CPE: variants seen among roughly 807,000 people sequenced by gnomAD.
The protein encoded by CPE is carbocypeptidase E.
CPE carries 17 observed loss-of-function variants against 53.5 expected under a neutral mutation model. That is an observed-to-expected ratio of 0.32 (90% CI 0.22 to 0.48). The LOEUF (loss-of-function observed/expected upper bound fraction) is 0.48, where lower values mean the gene tolerates loss of function less well. Among genes scored for constraint, CPE ranks in the 20% least tolerant of loss-of-function variants. The pLI is 0.99. For missense variants in CPE, 524 were observed against 614.7 expected (o/e 0.85, Z 1.56); for synonymous variants, 226 against 228.8 (o/e 0.99, Z 0.11).
At chr4:165,482,399 A>G (rs1732430935) in intron 4 of CPE, 40 bp downstream of exon 4, 1 of 1,364,494 alleles carries the variant, frequency 7.3e-7, no homozygotes, top group South Asian at 1.2e-5. Context: ...TTCAAAGTTT[A>G]TAACACTGTA....
At chr4:165,493,073 C>A in intron 6 of CPE, 98 bp from the exon 7 acceptor site, 1 of 732,550 alleles carries the variant, frequency 1.4e-6, no homozygotes, top group Non-Finnish European at 2.3e-6. Flanking sequence ...ACGGTATTTG[C>A]TGGAAAATAA....
intron 6 of CPE, 43 bp from the exon 7 acceptor site, chr4:165,493,128 T>C (rs763836636): frequency 7.8e-7 from 1 of 1,276,572 alleles, no homozygotes; most frequent in South Asian, 1.2e-5. Flanking sequence ...TTCTATAAAT[T>C]TATAGGTCAT....
intron 3 of CPE, among the ~76,000 whole-genome samples, chr4:165,477,106 T>C (rs1051746946): frequency 2.0e-5 from 3 of 152,200 alleles, no homozygotes; most frequent in Non-Finnish European, 4.4e-5. Flanking sequence ...AATGGTGAAA[T>C]CAACTCAGGT....
intron 1 of CPE, among the ~76,000 whole-genome samples, chr4:165,443,114 G>T (rs557568432): frequency 1.8e-4 from 27 of 152,184 alleles, no homozygotes; most frequent in African/African-American, 5.6e-4. Context: ...ATCTCTTGGG[G>T]TTTGGATCAT....
chr4:165,431,229 C>A (rs1731403117), intron 1 of CPE, among the ~76,000 whole-genome samples: 1 of 152,198 alleles, frequency 6.6e-6, no homozygotes, highest in South Asian at 2.1e-4. Flanking sequence ...TGTGATACCT[C>A]CGTTTTCCAC....
At chr4:165,444,202 A>T (rs1345406708) in intron 1 of CPE, among the ~76,000 whole-genome samples, 1 of 152,174 alleles carries the variant, frequency 6.6e-6, no homozygotes, top group Non-Finnish European at 1.5e-5. Context: ...ATAGTAGAGG[A>T]AACTGAGGCA....
intron 3 of CPE, among the ~76,000 whole-genome samples, chr4:165,470,253 G>A (rs10006092): frequency 0.17 from 26,214 of 152,084 alleles, 3,256 homozygotes; most frequent in African/African-American, 0.35. Flanking sequence ...TTGACTTGGG[G>A]TTTTCTATGT....
chr4:165,412,032 C>A (rs556894656), intron 1 of CPE, among the ~76,000 whole-genome samples: 1 of 152,148 alleles, frequency 6.6e-6, no homozygotes, highest in African/African-American at 2.4e-5. Flanking sequence ...GTGTCAACAA[C>A]TTGTACACTG....
At chr4:165,430,352 C>G (rs750960702) in intron 1 of CPE, among the ~76,000 whole-genome samples, 1 of 152,036 alleles carries the variant, frequency 6.6e-6, no homozygotes, top group Non-Finnish European at 1.5e-5. Flanking sequence ...CAACATATGA[C>G]AAAATAACAT....
In CPE at chr4:165,432,929, C is replaced by T. The variant is rs531207060; in HGVS notation, c.308-31461C>T. ...TCTTGAATCTGTTCACTGCTTTCCA[C>T]GACCTCCACCGCCAACCTAGTCCAA... On this transcript the variant is annotated intron_variant, in intron 1 of 8. Coordinates refer to ENST00000402744, the MANE Select transcript of CPE (RefSeq NM_001873.4). Among the ~76,000 whole-genome samples the T allele has an allele frequency of 1.5e-4, 23 of 152,284 alleles. No homozygotes were observed. In the South Asian group the frequency reaches 3.7e-3, roughly 25 times the overall value.
At chr4:165,480,263 C>T (rs1234954838) in intron 3 of CPE, among the ~76,000 whole-genome samples, 2 of 152,040 alleles carry the variant, frequency 1.3e-5, no homozygotes, top group Non-Finnish European at 2.9e-5. Context: ...TACAGGAATG[C>T]AGTTTGGAAT....
At chr4:165,388,981 A>G (rs1384874652) in intron 1 of CPE, among the ~76,000 whole-genome samples, 1 of 152,200 alleles carries the variant, frequency 6.6e-6, no homozygotes, top group Admixed American at 6.5e-5. Context: ...AATTTAATGC[A>G]CTTTTGGAAA....
In CPE at chr4:165,467,868, G is replaced by A. The variant is rs773137950; in HGVS notation, c.672+13G>A. 2 of 1,612,492 alleles carry A rather than the reference G, an allele frequency of 1.2e-6. No individual in the cohort carries two copies. The highest frequency in any genetic ancestry group is 1.1e-5 in the South Asian group (1 of 90,810). On this transcript the variant is annotated intron_variant, in intron 3 of 8. Transcript: ENST00000402744. ...TCAAAACACAAAGGTAGTGACCACGGGATAGTCTTCTTGGGTTCGTCTCTA... is the reference window on the plus strand; with the variant it reads ...TCAAAACACAAAGGTAGTGACCACGAGATAGTCTTCTTGGGTTCGTCTCTA...
intron 1 of CPE, among the ~76,000 whole-genome samples, chr4:165,423,992 T>C (rs1028346344): frequency 6.6e-6 from 1 of 152,106 alleles, no homozygotes; most frequent in African/African-American, 2.4e-5. Flanking sequence ...TTTAAAAAAA[T>C]CCCTACTGTC....
chr4:165,494,025 C>T (rs1732657256), intron 7 of CPE, among the ~76,000 whole-genome samples: 1 of 152,114 alleles, frequency 6.6e-6, no homozygotes, highest in African/African-American at 2.4e-5. Flanking sequence ...TAACTTATGT[C>T]CCAAACCACT....
At chr4:165,453,257 A>G (rs1046355803) in intron 1 of CPE, among the ~76,000 whole-genome samples, 4 of 151,048 alleles carry the variant, frequency 2.6e-5, no homozygotes, top group African/African-American at 9.7e-5. Context: ...ATGCCTGGCC[A>G]ATTTTCTTAT....
chr4:165,427,363 A>G (rs768065931), intron 1 of CPE, among the ~76,000 whole-genome samples: 7 of 147,900 alleles, frequency 4.7e-5, no homozygotes, highest in Non-Finnish European at 1.0e-4. Flanking sequence ...ATGTCTTTGT[A>G]TAAATTATAA....
chr4:165,437,835 G>A (rs546551316), intron 1 of CPE, among the ~76,000 whole-genome samples: 2 of 152,208 alleles, frequency 1.3e-5, no homozygotes, highest in Admixed American at 1.3e-4. Context: ...GGATGTAGAA[G>A]GGGAGGCATC....
At chr4:165,427,344 C>G (rs1203605049) in intron 1 of CPE, among the ~76,000 whole-genome samples, 2 of 150,746 alleles carry the variant, frequency 1.3e-5, no homozygotes, top group Non-Finnish European at 3.0e-5. Flanking sequence ...GTTTTTTTTT[C>G]CTGTGCATAT....
Sources: allele counts gnomAD v4.1 joint callset (sites outside exome capture counted in the v4.1 genomes callset), GRCh38; gene constraint gnomAD v4.1.1; transcripts MANE v1.5; gene names NCBI Gene and HGNC (gene_info 2026-07-23, HGNC 2026-07-21).